CFAP20DC: variants seen among roughly 807,000 people sequenced by gnomAD.
CFAP20DC encodes the protein protein CFAP20DC.
In CFAP20DC, 84 loss-of-function variants were observed where a neutral mutation model predicts 101.7. The observed-to-expected ratio is 0.83, with a 90% CI of 0.69 to 0.99. CFAP20DC has a LOEUF of 0.99. Ranked by LOEUF, CFAP20DC falls within the 50% of genes least tolerant of loss-of-function variation. The probability of loss-of-function intolerance (pLI) is 0.00; values close to 1 mark genes in which losing one functional copy is unlikely to be tolerated. For synonymous variants in CFAP20DC, 359 were observed against 351.2 expected, an observed-to-expected ratio of 1.02 and a Z score of -0.25; for missense variants, 1,007 against 970.3, an observed-to-expected ratio of 1.04 and a Z score of -0.50.
At chr3:58,910,879 T>C (rs937833479) in intron 6 of CFAP20DC, among the ~76,000 whole-genome samples, 1 of 151,944 alleles carries the variant, frequency 6.6e-6, no homozygotes, top group Non-Finnish European at 1.5e-5. Flanking sequence ...CATCATTAAC[T>C]CAAAACTTAT....
In CFAP20DC at chr3:58,884,553, G is replaced by A; in HGVS notation, c.707C>T (p.Ala236Val). ...IKFGGHPLRS[A>V]ESDQFINRGT... ...GGTGCCTGAGTGTCTACCTGATTCT[G>A]CTGATCTTAGAGGATGGCCTCCGAA... Residue 236 changes from alanine (A) to valine (V), a missense_variant, in exon 7 of 17, where the codon GCA becomes GTA. Transcript: ENST00000482387. The A allele has an allele frequency of 6.2e-7, 1 of 1,613,844 alleles. No individual in the cohort carries two copies. The highest frequency in any genetic ancestry group is 8.5e-7 in the Non-Finnish European group (1 of 1,179,774).
chr3:58,877,909 T>C (rs994812620), intron 7 of CFAP20DC, among the ~76,000 whole-genome samples: 1 of 151,968 alleles, frequency 6.6e-6, no homozygotes, highest in Non-Finnish European at 1.5e-5. Flanking sequence ...TACCATAATA[T>C]CCATTTTCAG....
chr3:59,004,720 T>G (rs574697549), intron 4 of CFAP20DC, among the ~76,000 whole-genome samples: 1 of 152,238 alleles, frequency 6.6e-6, no homozygotes, highest in Non-Finnish European at 1.5e-5. Context: ...TGTGGCTGCA[T>G]AGAGGCCCCC....
intron 13 of CFAP20DC, among the ~76,000 whole-genome samples, chr3:58,845,813 C>G (rs2077584246): frequency 6.6e-6 from 1 of 150,660 alleles, no homozygotes; most frequent in Non-Finnish European, 1.5e-5. Context: ...AGCTTATCCA[C>G]CATGATCAAG....
At chr3:58,946,113 ATTTTTTTT>A (rs57865077) in intron 4 of CFAP20DC, among the ~76,000 whole-genome samples, 11 of 123,814 alleles carry the variant, frequency 8.9e-5, no homozygotes, top group African/African-American at 2.3e-4. Context: ...AACTGCCCCA[ATTTTTTTT>A]TTTTTTTTTT....
At chr3:58,807,994 T>G (rs368821987) in intron 14 of CFAP20DC, among the ~76,000 whole-genome samples, 1 of 151,868 alleles carries the variant, frequency 6.6e-6, no homozygotes, top group Admixed American at 6.6e-5. Flanking sequence ...TGAAATGAAG[T>G]GAGATGGGAA....
intron 15 of CFAP20DC, among the ~76,000 whole-genome samples, chr3:58,787,760 G>A (rs2072488965): frequency 6.6e-6 from 1 of 152,136 alleles, no homozygotes; most frequent in South Asian, 2.1e-4. Flanking sequence ...ATGATAGAAT[G>A]GATTAAGAAA....
chr3:58,785,825 T>C (rs1441920126), intron 15 of CFAP20DC, among the ~76,000 whole-genome samples: 2 of 152,128 alleles, frequency 1.3e-5, no homozygotes, highest in African/African-American at 4.8e-5. Flanking sequence ...TTCCCTCTTA[T>C]CTGCCTAAAG....
At chr3:58,890,978 C>A (rs528656650) in intron 6 of CFAP20DC, among the ~76,000 whole-genome samples, 1 of 120,604 alleles carries the variant, frequency 8.3e-6, no homozygotes, top group Admixed American at 8.2e-5. Context: ...ACATCCCAGA[C>A]GATGGGCGGC....
chr3:58,793,073 G>A (rs1425518165), intron 15 of CFAP20DC, among the ~76,000 whole-genome samples: 1 of 151,946 alleles, frequency 6.6e-6, no homozygotes, highest in East Asian at 1.9e-4. Context: ...AGGTCAAACT[G>A]GAAATATGTT....
chr3:58,926,706 A>G (rs942931421), intron 5 of CFAP20DC, among the ~76,000 whole-genome samples: 2 of 152,246 alleles, frequency 1.3e-5, no homozygotes, highest in Non-Finnish European at 2.9e-5. Flanking sequence ...CCAGTTTGTA[A>G]TAAAAGTTAT....
At chr3:58,980,048 TAA>T (rs2092459085) in intron 4 of CFAP20DC, among the ~76,000 whole-genome samples, 1 of 152,176 alleles carries the variant, frequency 6.6e-6, no homozygotes, top group South Asian at 2.1e-4. Context: ...GCCTTAGTGA[TAA>T]AGTTATCCAC....
At chr3:58,928,478 T>C (rs1039024833) in intron 5 of CFAP20DC, among the ~76,000 whole-genome samples, 2 of 152,234 alleles carry the variant, frequency 1.3e-5, no homozygotes, top group African/African-American at 4.8e-5. Context: ...ATGGTGTGTA[T>C]ACTTCAGGTA....
chr3:58,956,238 A>G (rs2090616166), intron 4 of CFAP20DC, among the ~76,000 whole-genome samples: 1 of 151,876 alleles, frequency 6.6e-6, no homozygotes, highest in African/African-American at 2.4e-5. Context: ...TGGGGCCCAC[A>G]ATTCCAGGAC....
intron 5 of CFAP20DC, among the ~76,000 whole-genome samples, chr3:58,916,995 T>C (rs1288322658): frequency 6.6e-6 from 1 of 152,178 alleles, no homozygotes; most frequent in African/African-American, 2.4e-5. Flanking sequence ...CTCTAATTAC[T>C]ATATTTCTAT....
chr3:58,907,009 T>C (rs925482643), intron 6 of CFAP20DC, among the ~76,000 whole-genome samples: 1 of 152,158 alleles, frequency 6.6e-6, no homozygotes, highest in African/African-American at 2.4e-5. Context: ...TATGGACAGA[T>C]ACTGATCCAG....
rs569775857 is a variant in CFAP20DC at position 58,811,302 on chromosome 3, G to C, written c.2176-4846C>G. Among the ~76,000 whole-genome samples the C allele has an allele frequency of 1.1e-3, 171 of 152,164 alleles. 1 individual carries two copies. The highest frequency in any genetic ancestry group is 4.1e-3 in the Admixed American group (62 of 15,262). ...AGGCATCACGTTACCTGACTGCAAA[G>C]TATACTACAAGGCTACAGTAACCAA... On this transcript the variant is annotated intron_variant, in intron 14 of 16. Transcript: ENST00000482387.
chr3:58,827,959 C>T (rs1426537423), intron 14 of CFAP20DC, among the ~76,000 whole-genome samples: 1 of 152,154 alleles, frequency 6.6e-6, no homozygotes, highest in Non-Finnish European at 1.5e-5. Context: ...AAGGTGTATC[C>T]TTCACAACGA....
Position 58,863,378 on chromosome 3 carries a change from A to C in CFAP20DC, c.1593+180T>G. 7.2e-7 allele frequency: 1 copy of C among 1,394,956 alleles called. No homozygotes were observed. The highest frequency in any genetic ancestry group is 2.6e-5 in the East Asian group (1 of 38,494). The allele number at this position is 1,394,956 out of a possible 1,614,324, so 86.4% of individuals were successfully genotyped here. ...ATTGGCTGACTGTTAATTAAAAAAA[A>C]AAAAAGACAGTTTAAAGTTACCATA... On this transcript the variant is annotated intron_variant, in intron 12 of 16. Transcript: ENST00000482387. This position sits in a 1 kb window ranked among gnomAD's most constrained non-coding sequence, Gnocchi z 5.9.
Sources: gnomAD v4.1 joint callset for allele counts (sites outside exome capture counted in the v4.1 genomes callset) on GRCh38, gnomAD v4.1.1 for gene constraint, Gnocchi (gnomAD v3.1) non-coding constraint, MANE v1.5 for transcripts, NCBI Gene and HGNC (gene_info 2026-07-23, HGNC 2026-07-21) for gene names.